The following JMJD1C variants were observed in gnomAD, a reference collection of about 807,000 sequenced individuals.
JMJD1C encodes jumonji domain containing 1C.
A neutral mutation model predicts 245.3 loss-of-function variants in JMJD1C; 31 were observed. The ratio of observed to expected loss-of-function variants is 0.13; its 90% CI spans 0.09 to 0.17. JMJD1C has a LOEUF of 0.17. Among genes scored for constraint, JMJD1C ranks in the 10% least tolerant of loss-of-function variants. The pLI is 1.00. For synonymous variants in JMJD1C, 1,057 were observed against 1,017.4 expected (o/e 1.04, Z -0.74); for missense variants, 2,691 against 3,000.2 (o/e 0.90, Z 2.41).
intron 2 of JMJD1C, among the ~76,000 whole-genome samples, chr10:63,334,694 C>G (rs905461378): frequency 1.3e-5 from 2 of 151,598 alleles, no homozygotes; most frequent in African/African-American, 4.8e-5. Flanking sequence ...GCCCCCCAGC[C>G]TGGGCAACAG....
At chr10:63,335,938 T>C (rs908706555) in intron 2 of JMJD1C, among the ~76,000 whole-genome samples, 29 of 151,514 alleles carry the variant, frequency 1.9e-4, no homozygotes, top group African/African-American at 7.0e-4. Flanking sequence ...CTGGGCAACA[T>C]GGTGAAAACC....
intron 3 of JMJD1C, among the ~76,000 whole-genome samples, chr10:63,245,718 G>T (rs1240565453): frequency 6.6e-6 from 1 of 152,082 alleles, no homozygotes; most frequent in Admixed American, 6.6e-5. Flanking sequence ...CTTGACCTCA[G>T]GTGATCCTCC....
At chr10:63,244,830 G>T in intron 3 of JMJD1C, among the ~76,000 whole-genome samples, 1 of 134,308 alleles carries the variant, frequency 7.4e-6, no homozygotes, top group East Asian at 2.6e-4. Context: ...GGGGGGGAGG[G>T]GGGAGAACAA....
chr10:63,472,761 T>C (rs867834625), intron 1 of JMJD1C, among the ~76,000 whole-genome samples: 1 of 152,242 alleles, frequency 6.6e-6, no homozygotes, highest in African/African-American at 2.4e-5. Flanking sequence ...TATTTTCTTT[T>C]AGGAATTTTA....
intron 2 of JMJD1C, among the ~76,000 whole-genome samples, chr10:63,342,933 T>C (rs1187842033): frequency 6.6e-6 from 1 of 152,196 alleles, no homozygotes; most frequent in Non-Finnish European, 1.5e-5. Context: ...AAACAAATTT[T>C]GTGTTTAGAC....
chr10:63,215,534 T>C lies in JMJD1C; in HGVS notation c.822+19A>G, dbSNP rs372675445. On this transcript the variant is annotated intron_variant, in intron 6 of 25. Coordinates refer to ENST00000399262, the MANE Select transcript of JMJD1C (RefSeq NM_032776.3). ...AGGAAAAATATTTTACAGAAATTCA[T>C]CCCTAATAACATACATACGTGAACA... 4.0e-5 allele frequency: 65 copies of C among 1,607,696 alleles called. No individual in the cohort carries two copies. Among genetic ancestry groups the C allele is most frequent in the Non-Finnish European group, 5.1e-5 (60 of 1,175,182 alleles).
intron 4 of JMJD1C, 116 bp downstream of exon 4, chr10:63,219,762 C>G (rs1264129913): frequency 3.3e-6 from 2 of 606,250 alleles, no homozygotes; most frequent in Non-Finnish European, 6.0e-6. Flanking sequence ...ATGTATATAA[C>G]TCAAAATATT....
chr10:63,337,603 GAAAAGAAAAGAAAAGAAAAGAAAA>G (rs1564804632), intron 2 of JMJD1C, among the ~76,000 whole-genome samples: 3 of 101,180 alleles, frequency 3.0e-5, no homozygotes, highest in Non-Finnish European at 5.5e-5. Flanking sequence ...GAAAAGAAAA[GAAAAGAAAAGAAAAGAAAAGAAAA>G]AGAAAAGAAA....
intron 1 of JMJD1C, among the ~76,000 whole-genome samples, chr10:63,472,941 C>G (rs1220932862): frequency 6.6e-6 from 1 of 151,998 alleles, no homozygotes; most frequent in African/African-American, 2.4e-5. Flanking sequence ...AGCGCCACCA[C>G]GCCCAGCTAA....
rs566876041 is a variant in JMJD1C at position 63,397,235 on chromosome 10, C to T, written c.169-16753G>A. ...TTATTTTATTTTATTTTATTTGAGA[C>T]AGAGTTTCGCTCTTGTCGCCCAGGC... On this transcript the variant is annotated intron_variant, in intron 1 of 25. Coordinates refer to ENST00000399262, the MANE Select transcript of JMJD1C (RefSeq NM_032776.3). 2.0e-5 allele frequency among the ~76,000 whole-genome samples: 3 copies of T among 152,072 alleles called. No individual in the cohort carries two copies. The South Asian group carries it at 6.2e-4, about 31-fold the overall frequency.
At chr10:63,179,539 G>A (rs988338976) in intron 22 of JMJD1C, among the ~76,000 whole-genome samples, 4 of 152,156 alleles carry the variant, frequency 2.6e-5, no homozygotes, top group Non-Finnish European at 5.9e-5. Context: ...TTGGGAGGTT[G>A]AGGTGAGTGG....
chr10:63,397,232 A>C (rs1948561946), intron 1 of JMJD1C, among the ~76,000 whole-genome samples: 1 of 152,128 alleles, frequency 6.6e-6, no homozygotes, highest in African/African-American at 2.4e-5. Flanking sequence ...ATTTTATTTG[A>C]GACAGAGTTT....
chr10:63,311,727 T>A (rs920149830), intron 2 of JMJD1C, among the ~76,000 whole-genome samples: 1 of 152,134 alleles, frequency 6.6e-6, no homozygotes, highest in African/African-American at 2.4e-5. Flanking sequence ...ACATATAGTA[T>A]AAAAGCGCAG....
chr10:63,175,493 A>G (rs1416797366), intron 24 of JMJD1C, among the ~76,000 whole-genome samples: 1 of 152,220 alleles, frequency 6.6e-6, no homozygotes, highest in Non-Finnish European at 1.5e-5. Context: ...ATTATCACCT[A>G]AGTAGTATTT....
intron 2 of JMJD1C, among the ~76,000 whole-genome samples, chr10:63,302,622 A>C (rs780170145): frequency 5.3e-5 from 8 of 152,252 alleles, no homozygotes; most frequent in Non-Finnish European, 1.0e-4. Context: ...AATTATGAAT[A>C]ATGTATGAAT....
chr10:63,462,134 TCAA>T (rs1952836617), intron 1 of JMJD1C, among the ~76,000 whole-genome samples: 1 of 152,186 alleles, frequency 6.6e-6, no homozygotes, highest in African/African-American at 2.4e-5. Context: ...TTCAACTTCT[TCAA>T]CAACTTGGTC....
At chr10:63,223,630 A>G (rs1345311235) in intron 3 of JMJD1C, among the ~76,000 whole-genome samples, 2 of 152,190 alleles carry the variant, frequency 1.3e-5, no homozygotes, top group Admixed American at 6.5e-5. Context: ...TCATTTATTT[A>G]TATCTTATTT....
chr10:63,315,021 T>C (rs1461180844), intron 2 of JMJD1C, among the ~76,000 whole-genome samples: 3 of 149,774 alleles, frequency 2.0e-5, no homozygotes, highest in Non-Finnish European at 4.4e-5. Flanking sequence ...CAGCACGATC[T>C]TGGCTCAGTG....
chr10:63,396,987 T>C (rs1948542564), intron 1 of JMJD1C, among the ~76,000 whole-genome samples: 1 of 150,998 alleles, frequency 6.6e-6, no homozygotes, highest in Admixed American at 6.6e-5. Flanking sequence ...TGGAGTTAAG[T>C]GTCACAATCA....
Sources: gnomAD v4.1 joint callset for allele counts (sites outside exome capture counted in the v4.1 genomes callset) on GRCh38, gnomAD v4.1.1 for gene constraint, MANE v1.5 for transcripts, NCBI Gene and HGNC (gene_info 2026-07-23, HGNC 2026-07-21) for gene names.